Variants in SLC25A21 observed in about 807,000 individuals in gnomAD.
The protein encoded by SLC25A21 is solute carrier family 25 member 21.
SLC25A21 carries 47 observed loss-of-function variants against 43.8 expected under a neutral mutation model. The ratio of observed to expected loss-of-function variants is 1.07; its 90% CI spans 0.85 to 1.37. The LOEUF (loss-of-function observed/expected upper bound fraction) is 1.37. Among genes scored for constraint, SLC25A21 ranks in the 40% most tolerant of loss-of-function variants. The probability of loss-of-function intolerance (pLI) is 0.00; values close to 1 mark genes in which losing one functional copy is unlikely to be tolerated. For synonymous variants in SLC25A21, 131 were observed against 121.3 expected, an observed-to-expected ratio of 1.08 and a Z score of -0.52; for missense variants, 352 against 350.2, an observed-to-expected ratio of 1.00 and a Z score of -0.04.
intron 3 of SLC25A21, among the ~76,000 whole-genome samples, chr14:36,804,076 TAAACAAAC>T (rs577826592): frequency 2.6e-5 from 4 of 152,202 alleles, no homozygotes; most frequent in African/African-American, 9.6e-5. Context: ...AGACCTTTTT[TAAACAAAC>T]AAACAAACAA....
At chr14:36,719,310 A>G (rs894789435) in intron 6 of SLC25A21, among the ~76,000 whole-genome samples, 1 of 152,244 alleles carries the variant, frequency 6.6e-6, no homozygotes, top group Non-Finnish European at 1.5e-5. Context: ...CTACAAAGTC[A>G]CATTGGCAAG....
chr14:36,914,129 A>G (rs1007568651), intron 1 of SLC25A21, among the ~76,000 whole-genome samples: 1 of 152,254 alleles, frequency 6.6e-6, no homozygotes, highest in African/African-American at 2.4e-5. Context: ...TAAACTTTCT[A>G]AAAATCAGAA....
Position 36,680,171 on chromosome 14 carries a change from TTAAA to T in SLC25A21, c.*483_*486del, listed in dbSNP as rs1882155269. 1 of 840,410 alleles carries T rather than the reference TTAAA, an allele frequency of 1.2e-6. No homozygotes were observed. Among genetic ancestry groups the T allele is most frequent in the Non-Finnish European group, 1.4e-6 (1 of 698,490 alleles). 52.1% of individuals were successfully genotyped at this position (840,410 alleles called of 1,614,324 possible). On this transcript the variant is annotated 3_prime_UTR_variant, in exon 10 of 10. Transcript: ENST00000331299. ...CTTTAAAAAATTTTTCTTGTGCTCTTTAAATATTATTTATGGAATAATTTAATTC... is the reference window on the plus strand; with the variant it reads ...CTTTAAAAAATTTTTCTTGTGCTCTTTATTATTTATGGAATAATTTAATTC...
At position 36,679,350 on chromosome 14, in the gene SLC25A21, AAAGTAAT is replaced by A. The variant is rs1479827125; in HGVS notation, c.*1301_*1307del. ...TACTTCAAATGCTCTAAATTAATAA[AAAGTAAT>A]AATTACCATGTTATCTTTTACTTTT... On this transcript the variant is annotated 3_prime_UTR_variant, in exon 10 of 10. Transcript: ENST00000331299. 7 of 972,418 alleles carry A rather than the reference AAAGTAAT, an allele frequency of 7.2e-6. No individual in the cohort carries two copies. In the African/African-American group the frequency reaches 1.2e-4, roughly 17 times the overall value. The allele number at this position is 972,418 out of a possible 1,614,324, so 60.2% of individuals were successfully genotyped here. A position where few individuals can be genotyped will look rare whatever the true frequency, so the allele number is the denominator to read the frequency against.
intron 1 of SLC25A21, among the ~76,000 whole-genome samples, chr14:37,096,348 T>C (rs1447174141): frequency 2.0e-5 from 3 of 152,206 alleles, no homozygotes; most frequent in African/African-American, 7.2e-5. Context: ...GGTAGTCTTA[T>C]TCGGGTTGAA....
At chr14:37,120,649 C>CTG (rs920112760) in intron 1 of SLC25A21, among the ~76,000 whole-genome samples, 4 of 152,224 alleles carry the variant, frequency 2.6e-5, no homozygotes, top group African/African-American at 9.6e-5. Context: ...GCACTACAAG[C>CTG]TGTGGGCCAT....
At chr14:37,095,065 A>G (rs1962660931) in intron 1 of SLC25A21, among the ~76,000 whole-genome samples, 1 of 152,228 alleles carries the variant, frequency 6.6e-6, no homozygotes. Flanking sequence ...AATGTACATG[A>G]TAAATAAATG....
chr14:36,872,243 T>C (rs1890394591), intron 2 of SLC25A21, among the ~76,000 whole-genome samples: 2 of 152,184 alleles, frequency 1.3e-5, no homozygotes, highest in Admixed American at 1.3e-4. Flanking sequence ...AAAATAAATG[T>C]GTCTACTTTT....
At chr14:37,055,001 A>G (rs113240881) in intron 1 of SLC25A21, among the ~76,000 whole-genome samples, 2 of 152,344 alleles carry the variant, frequency 1.3e-5, no homozygotes, top group African/African-American at 2.4e-5. Flanking sequence ...ACTTCTGCCC[A>G]GCTGGAATTC....
chr14:37,037,714 A>G (rs1961359145), intron 1 of SLC25A21, among the ~76,000 whole-genome samples: 1 of 152,140 alleles, frequency 6.6e-6, no homozygotes. Flanking sequence ...ACATTTGAGG[A>G]GCATTTTAGT....
At chr14:36,777,087 G>A (rs1335136747) in intron 3 of SLC25A21, among the ~76,000 whole-genome samples, 2 of 151,934 alleles carry the variant, frequency 1.3e-5, no homozygotes, top group African/African-American at 2.4e-5. Context: ...GTGAAACCCC[G>A]TCTCTACTAA....
chr14:36,784,335 A>G (rs1887174723), intron 3 of SLC25A21, among the ~76,000 whole-genome samples: 1 of 152,198 alleles, frequency 6.6e-6, no homozygotes, highest in African/African-American at 2.4e-5. Context: ...TGCAGTCTGG[A>G]TGATCCATAT....
chr14:36,697,425 T>A (rs1190169592), intron 7 of SLC25A21, among the ~76,000 whole-genome samples: 1 of 152,210 alleles, frequency 6.6e-6, no homozygotes, highest in African/African-American at 2.4e-5. Flanking sequence ...GTCTATTAAG[T>A]CTGCTTGTTG....
chr14:36,794,182 G>C (rs2138406945), intron 3 of SLC25A21, among the ~76,000 whole-genome samples: 2 of 152,252 alleles, frequency 1.3e-5, no homozygotes, highest in Admixed American at 1.3e-4. Flanking sequence ...CATATGATCA[G>C]AGGCAGATGT....
intron 6 of SLC25A21, among the ~76,000 whole-genome samples, chr14:36,717,583 G>A (rs1884197595): frequency 6.6e-6 from 1 of 152,222 alleles, no homozygotes; most frequent in Non-Finnish European, 1.5e-5. Context: ...TGCACCAATG[G>A]CAGAGCTGGG....
Position 37,034,826 on chromosome 14 carries a change from A to C in SLC25A21, c.70+137455T>G, listed in dbSNP as rs568131558. Among the ~76,000 whole-genome samples the C allele has an allele frequency of 9.4e-4, 143 of 152,350 alleles. 1 individual carries two copies. The highest frequency in any genetic ancestry group is 7.5e-4 in the Non-Finnish European group (51 of 68,026). The stretch of plus-strand genomic sequence containing the variant: ...AAGGGGAGCTGTTGTTGATGGACAC[A>C]GGAGGGGTGAGTTGAGCTCCCCATG... On this transcript the variant is annotated intron_variant, in intron 1 of 9. Coordinates refer to ENST00000331299, the MANE Select transcript of SLC25A21 (RefSeq NM_030631.4).
At chr14:36,963,698 C>T (rs934320682) in intron 1 of SLC25A21, among the ~76,000 whole-genome samples, 10 of 152,162 alleles carry the variant, frequency 6.6e-5, no homozygotes, top group Admixed American at 1.3e-4. Context: ...CCTTACTTAG[C>T]GCCAGGCCAG....
chr14:36,914,157 T>C (rs1016860041), intron 1 of SLC25A21, among the ~76,000 whole-genome samples: 2 of 152,190 alleles, frequency 1.3e-5, no homozygotes, highest in African/African-American at 4.8e-5. Flanking sequence ...AAGAAAATCT[T>C]CCAGCTTAGA....
chr14:37,018,828 TCTGA>T (rs895510947), intron 1 of SLC25A21, among the ~76,000 whole-genome samples: 3 of 151,978 alleles, frequency 2.0e-5, no homozygotes, highest in Admixed American at 1.3e-4. Flanking sequence ...AAATGACTTC[TCTGA>T]CTAATGACAT....
Sources: gnomAD v4.1 joint callset for allele counts (sites outside exome capture counted in the v4.1 genomes callset) on GRCh38, gnomAD v4.1.1 for gene constraint, MANE v1.5 for transcripts, NCBI Gene and HGNC (gene_info 2026-07-23, HGNC 2026-07-21) for gene names.